ZNF730: variants seen among roughly 807,000 people sequenced by gnomAD.
ZNF730 encodes zinc finger protein 730.
Under a neutral mutation model 12.6 loss-of-function variants are expected in ZNF730, and 12 were observed. The ratio of observed to expected loss-of-function variants is 0.95; its 90% CI spans 0.61 to 1.54. ZNF730 has a LOEUF of 1.54. Ranked by LOEUF, ZNF730 falls within the 40% of genes most tolerant of loss-of-function variation. The probability of loss-of-function intolerance (pLI) is 0.00; values close to 1 mark genes in which losing one functional copy is unlikely to be tolerated. For synonymous variants in ZNF730, 194 were observed against 195.8 expected (o/e 0.99, Z 0.08); for missense variants, 643 against 583.5 (o/e 1.10, Z -1.05).
At chr19:23,098,970 C>G (rs1970295664) in intron 1 of ZNF730, among the ~76,000 whole-genome samples, 1 of 152,164 alleles carries the variant, frequency 6.6e-6, no homozygotes, top group Non-Finnish European at 1.5e-5. Context: ...AATTAATACT[C>G]TCGCATATTG....
At chr19:23,083,117 C>A (rs1450945984) in intron 1 of ZNF730, among the ~76,000 whole-genome samples, 29 of 151,314 alleles carry the variant, frequency 1.9e-4, no homozygotes, top group Admixed American at 1.9e-3. Flanking sequence ...TATGGATTTT[C>A]TTTTTTTTAG....
rs202111381 is a variant in ZNF730 at position 23,142,356 on chromosome 19, GT to G, written c.227-2910del. Among the ~76,000 whole-genome samples, 1,375 of 152,168 alleles carry G rather than the reference GT, an allele frequency of 9.0e-3. 16 individuals are homozygous for G. The highest frequency in any genetic ancestry group is 0.031 in the African/African-American group (1,297 of 41,508). On this transcript the variant is annotated intron_variant, in intron 3 of 3. Coordinates refer to ENST00000597761, the MANE Select transcript of ZNF730 (RefSeq NM_001277403.2). Reference sequence around the variant, plus strand: ...TTGTAGAAAGGCAAGTTGGATCTTGGTTTTTAAAATGTTTAATAAATCTATT... The same window carrying G: ...TTGTAGAAAGGCAAGTTGGATCTTGGTTTTAAAATGTTTAATAAATCTATT...
chr19:23,085,538 A>T (rs1389010072), intron 1 of ZNF730, among the ~76,000 whole-genome samples: 2 of 119,790 alleles, frequency 1.7e-5, no homozygotes, highest in Non-Finnish European at 3.2e-5. Context: ...AAATATAGAC[A>T]GAGTCTTGCT....
chr19:23,077,218 T>G (rs1969878055), intron 1 of ZNF730, among the ~76,000 whole-genome samples: 1 of 151,956 alleles, frequency 6.6e-6, no homozygotes, highest in Admixed American at 6.6e-5. Context: ...AAGTAATTAA[T>G]GGGTACTAGG....
intron 1 of ZNF730, among the ~76,000 whole-genome samples, chr19:23,108,066 T>A (rs1017167055): frequency 4.2e-4 from 64 of 152,192 alleles, no homozygotes; most frequent in African/African-American, 1.5e-3. Context: ...ACAGCAAGGT[T>A]GGTTCAGTGA....
At chr19:23,123,361 A>T (rs1302101103) in intron 1 of ZNF730, 1 of 152,430 alleles carries the variant, frequency 6.6e-6, no homozygotes, top group Non-Finnish European at 1.5e-5. Flanking sequence ...CGAGGTCGGG[A>T]GATCAAGACC....
At chr19:23,095,277 T>C (rs1204368789) in intron 1 of ZNF730, 1 of 397,816 alleles carries the variant, frequency 2.5e-6, no homozygotes, top group African/African-American at 2.1e-5. Flanking sequence ...CATTGTGTAA[T>C]ATCGTTGGGC....
chr19:23,127,610 T>C (rs1970686540), intron 1 of ZNF730: 2 of 1,000,054 alleles, frequency 2.0e-6, no homozygotes, highest in East Asian at 4.8e-5. Flanking sequence ...AGAAAACTCA[T>C]TTTGTTTAAA....
At chr19:23,079,984 C>G (rs1969935962) in intron 1 of ZNF730, among the ~76,000 whole-genome samples, 1 of 152,134 alleles carries the variant, frequency 6.6e-6, no homozygotes, top group African/African-American at 2.4e-5. Context: ...CTTGCTGTAT[C>G]TCCCAGGCTG....
In ZNF730 at chr19:23,145,534, A is replaced by C. The variant is rs757186803; in HGVS notation, c.490A>C (p.Lys164Gln). ...FHKFSNSNRH[K>Q]IRHTSKKPFK... ...TAAATTTTCAAATTCAAACAGACATAAGATAAGACATACTTCGAAGAAACC... is the reference window on the plus strand; with the variant it reads ...TAAATTTTCAAATTCAAACAGACATCAGATAAGACATACTTCGAAGAAACC... The change falls in exon 4 of 4, where the codon AAG becomes CAG. Residue 164 changes from lysine (K) to glutamine (Q), a missense_variant. Physicochemically the swap from Lys to Gln is moderately conservative, Grantham distance 53 (BLOSUM62 1). Coordinates refer to ENST00000597761, the MANE Select transcript of ZNF730 (RefSeq NM_001277403.2). The C allele has an allele frequency of 2.6e-6, 4 of 1,555,852 alleles. No homozygotes were observed. In the South Asian group the frequency reaches 4.8e-5, roughly 19 times the overall value.
intron 3 of ZNF730, among the ~76,000 whole-genome samples, chr19:23,139,925 C>T (rs758382369): frequency 2.0e-5 from 3 of 151,802 alleles, no homozygotes; most frequent in Non-Finnish European, 4.4e-5. Context: ...TGTGTTTTTT[C>T]GGTGTGGGTT....
chr19:23,117,408 C>A (rs1373249380), intron 1 of ZNF730, among the ~76,000 whole-genome samples: 1 of 152,178 alleles, frequency 6.6e-6, no homozygotes. Flanking sequence ...TGCCCTGGAG[C>A]CCTCTCTGGG....
intron 1 of ZNF730, among the ~76,000 whole-genome samples, chr19:23,129,845 T>G (rs1970723725): frequency 6.6e-6 from 1 of 151,650 alleles, no homozygotes; most frequent in Non-Finnish European, 1.5e-5. Flanking sequence ...TACAAAAAAA[T>G]TAGCCGGATG....
At chr19:23,113,235 T>C (rs888397116), upstream of ZNF730, among the ~76,000 whole-genome samples, 2 of 152,188 alleles carry the variant, frequency 1.3e-5, no homozygotes, top group Non-Finnish European at 2.9e-5. Context: ...ATTTGATCTA[T>C]GTAATGTTAG....
intron 1 of ZNF730, among the ~76,000 whole-genome samples, chr19:23,088,338 G>C: frequency 6.6e-6 from 1 of 151,998 alleles, no homozygotes; most frequent in East Asian, 1.9e-4. Context: ...TTTTCAACGA[G>C]AATGTTTCCA....
At chr19:23,109,240 CT>C (rs1215671337) in intron 1 of ZNF730, among the ~76,000 whole-genome samples, 2 of 150,642 alleles carry the variant, frequency 1.3e-5, no homozygotes, top group African/African-American at 2.4e-5. Flanking sequence ...ATGAAATTTC[CT>C]TTTTTTTGAG....
At chr19:23,139,593 C>T (rs1374549258) in intron 3 of ZNF730, among the ~76,000 whole-genome samples, 3 of 152,058 alleles carry the variant, frequency 2.0e-5, no homozygotes, top group African/African-American at 4.8e-5. Flanking sequence ...GGCACGATCT[C>T]GGCTCCCTGC....
At position 23,136,735 on chromosome 19, in the gene ZNF730, C is replaced by G. The variant is rs1207924694; in HGVS notation, c.226+692C>G. Among the ~76,000 whole-genome samples the G allele has an allele frequency of 2.8e-5, 4 of 142,204 alleles. No homozygotes were observed. In the East Asian group the frequency reaches 8.2e-4, roughly 29 times the overall value. The allele number at this position is 142,204 out of a possible 152,430, so 93.3% of individuals were successfully genotyped here. A position where few individuals can be genotyped will look rare whatever the true frequency, so the allele number is the denominator to read the frequency against. On this transcript the variant is annotated intron_variant, in intron 3 of 3. Coordinates refer to ENST00000597761, the MANE Select transcript of ZNF730 (RefSeq NM_001277403.2). ...AATTATACAGTATGATGTCCTCCTGCTTTTTTTTTTTTCTTTCAGGATTGC... is the reference window on the plus strand; with the variant it reads ...AATTATACAGTATGATGTCCTCCTGGTTTTTTTTTTTTCTTTCAGGATTGC...
chr19:23,080,505 G>A (rs1260232354), intron 1 of ZNF730, among the ~76,000 whole-genome samples: 1 of 151,840 alleles, frequency 6.6e-6, no homozygotes, highest in African/African-American at 2.4e-5. Flanking sequence ...CTTCTGAGTA[G>A]CTGGGATTAT....
Sources: gnomAD v4.1 joint callset for allele counts (sites outside exome capture counted in the v4.1 genomes callset) on GRCh38, gnomAD v4.1.1 for gene constraint, MANE v1.5 for transcripts, NCBI Gene and HGNC (gene_info 2026-07-23, HGNC 2026-07-21) for gene names.